ASGR1: variants seen among roughly 807,000 people sequenced by gnomAD.
The protein encoded by ASGR1 is asialoglycoprotein receptor 1.
ASGR1 carries 35 observed loss-of-function variants against 33.1 expected under a neutral mutation model. That is an observed-to-expected ratio of 1.06 (90% CI 0.81 to 1.40). ASGR1 has a LOEUF of 1.40. Ranked by LOEUF, ASGR1 falls within the 40% of genes most tolerant of loss-of-function variation. ASGR1 has a pLI of 0.00. For synonymous variants in ASGR1, 142 were observed against 152.5 expected (o/e 0.93, Z 0.51); for missense variants, 396 against 373.7 (o/e 1.06, Z -0.49).
chr17:7,178,106 G>T, intron 2 of ASGR1: 1 of 263,080 alleles, frequency 3.8e-6, no homozygotes, highest in Non-Finnish European at 7.6e-6. Context: ...TCACCAAACT[G>T]ATCACTGACA....
chr17:7,174,448 A>G lies in ASGR1; in HGVS notation c.368T>C (p.Leu123Pro). ...CACGAACTGCTTCACGTGGAGCAGC[A>G]GGCTGGAGTGATCTGGGGAGACCGG... ...QKDLSEDHSS[L>P]LLHVKQFVSD... is the part of the protein sequence containing the mutation. The change falls in exon 6 of 9, where the codon CTG becomes CCG. Residue 123 changes from leucine (L) to proline (P), a missense_variant. Physicochemically the swap from Leu to Pro is moderately conservative, Grantham distance 98 (BLOSUM62 -3). Coordinates refer to ENST00000269299, the MANE Select transcript of ASGR1 (RefSeq NM_001671.5). The G allele has an allele frequency of 1.2e-6, 2 of 1,613,124 alleles. No homozygotes were observed. The highest frequency in any genetic ancestry group is 2.2e-5 in the South Asian group (2 of 90,952).
chr17:7,177,522 G>A (rs1476526204), intron 2 of ASGR1, 196 bp from the exon 3 acceptor site: 2 of 571,300 alleles, frequency 3.5e-6, no homozygotes, highest in Admixed American at 6.3e-5. Context: ...CTGGGGAAGG[G>A]GGCTAAGCGC....
chr17:7,177,196 C>A lies in ASGR1; in HGVS notation c.187+14G>T, dbSNP rs1465176568. 1 of 1,613,412 alleles carries A rather than the reference C, an allele frequency of 6.2e-7. No homozygotes were observed. Among genetic ancestry groups the A allele is most frequent in the East Asian group, 2.2e-5 (1 of 44,846 alleles). ...CCCCCAATGTTGCCCCCTTCCCACC[C>A]CTGGGGCACCCACTTTGGGATCCGA... On this transcript the variant is annotated intron_variant, in intron 3 of 8. Coordinates refer to ENST00000269299, the MANE Select transcript of ASGR1 (RefSeq NM_001671.5).
Position 7,177,218 on chromosome 17 carries a change from C to A in ASGR1, c.179G>T (p.Gly60Val). The A allele has an allele frequency of 1.2e-6, 2 of 1,613,580 alleles. No homozygotes were observed. Among genetic ancestry groups the A allele is most frequent in the Non-Finnish European group, 1.7e-6 (2 of 1,179,936 alleles). The change falls in exon 3 of 9, where the codon GGA becomes GTA. Residue 60 changes from glycine to valine, a missense_variant. Transcript: ENST00000269299. Reference sequence around the variant, plus strand: ...ACCCCTGGGGCACCCACTTTGGGATCCGATCACACAGACAACCACAAGCAG... The same window carrying A: ...ACCCCTGGGGCACCCACTTTGGGATACGATCACACAGACAACCACAAGCAG... The part of the protein sequence containing the change: ...LLLLVVVCVI[G>V]SQNSQLQEEL...
At position 7,176,846 on chromosome 17, in the gene ASGR1, C is replaced by G; in HGVS notation, c.339G>C (p.Gln113His). 1 of 1,612,834 alleles carries G rather than the reference C, an allele frequency of 6.2e-7. No homozygotes were observed. Among genetic ancestry groups the G allele is most frequent in the Non-Finnish European group, 8.5e-7 (1 of 1,179,954 alleles). ...CTCTCTGACCTTCACTCAGGTCCTT[C>G]TGCTGTTTCTCCAGCTGGGACTCTA... Reference protein sequence around the residue: ...KSLESQLEKQQKDLSEDHSSL... With the variant: ...KSLESQLEKQHKDLSEDHSSL... Residue 113 changes from glutamine to histidine, a missense_variant, in exon 5 of 9, where the codon CAG (glutamine) becomes CAC (histidine). Physicochemically the swap from Gln to His is conservative, Grantham distance 24. Coordinates refer to ENST00000269299, the MANE Select transcript of ASGR1 (RefSeq NM_001671.5).
intron 2 of ASGR1, 144 bp downstream of exon 2, chr17:7,178,350 A>G (rs2069240106): frequency 1.2e-6 from 1 of 854,650 alleles, no homozygotes; most frequent in African/African-American, 1.7e-5. Context: ...TGAGAGAGGC[A>G]GTTCCGACAC....
intron 1 of ASGR1, 144 bp from the exon 2 acceptor site, chr17:7,178,732 TCTTTTC>T (rs1567794950): frequency 2.2e-4 from 39 of 177,602 alleles, no homozygotes; most frequent in Non-Finnish European, 3.6e-4. Context: ...TTCTTTTTTT[TCTTTTC>T]TTTTTTTTTT....
intron 5 of ASGR1, among the ~76,000 whole-genome samples, chr17:7,175,110 A>C (rs190348236): frequency 7.3e-6 from 1 of 136,064 alleles, no homozygotes; most frequent in Non-Finnish European, 1.6e-5. Context: ...AAAACACACA[A>C]ACACACAACA....
chr17:7,177,557 C>T (rs2069232878), intron 2 of ASGR1: 1 of 511,012 alleles, frequency 2.0e-6, no homozygotes, highest in Admixed American at 3.5e-5. Context: ...CCACCGAGGC[C>T]CTGAGCTTTT....
At position 7,174,050 on chromosome 17, in the gene ASGR1, G is replaced by A. The variant is rs1387278901; in HGVS notation, c.612C>T (p.His204=). 1.2e-6 allele frequency: 2 copies of A among 1,614,118 alleles called. No individual in the cohort carries two copies. Among genetic ancestry groups the A allele is most frequent in the Non-Finnish European group, 1.7e-6 (2 of 1,180,024 alleles). ...CCATCCAGGTGTTCACAGGGCCTAT[G>A]TGGTGCTGGACAAATTTCTGAGGAG... ...SWEEQKFVQH[H]IGPVNTWMGL... The change falls in exon 8 of 9, where the codon CAC becomes CAT. Residue 204 remains histidine (H), a synonymous_variant. Coordinates refer to ENST00000269299, the MANE Select transcript of ASGR1 (RefSeq NM_001671.5).
chr17:7,178,523 T>C lies in ASGR1; in HGVS notation c.41A>G (p.Glu14Gly). The change falls in exon 2 of 9, where the codon GAG (glutamate) becomes GGG (glycine). Residue 14 changes from glutamate (E) to glycine (G), a missense_variant. Coordinates refer to ENST00000269299, the MANE Select transcript of ASGR1 (RefSeq NM_001671.5). ...TCTGAGCTGATGGTGGTCACTCTCC[T>C]CATTGTCCAGATGCTGAAGGTCTTG... is the stretch of plus-strand genomic sequence containing the variant. ...EYQDLQHLDN[E>G]ESDHHQLRKG... The C allele has an allele frequency of 6.2e-7, 1 of 1,614,032 alleles. No homozygotes were observed. The highest frequency in any genetic ancestry group is 8.5e-7 in the Non-Finnish European group (1 of 1,179,996).
rs2069167524 is a variant in ASGR1 at position 7,174,241 on chromosome 17, C to A, written c.491G>T (p.Ser164Ile). 6.2e-7 allele frequency: 1 copy of A among 1,614,162 alleles called. No homozygotes were observed. Among genetic ancestry groups the A allele is most frequent in the South Asian group, 1.1e-5 (1 of 91,088 alleles). The change falls in exon 7 of 9, where the codon AGC (serine) becomes ATC (isoleucine). Residue 164 changes from serine to isoleucine, a missense_variant. Coordinates refer to ENST00000269299, the MANE Select transcript of ASGR1 (RefSeq NM_001671.5). ...CCCGGAGCGAGAGAACCAGTAGCAG[C>A]TGCGCTCGTGCTCCACCCAGTTGAC... ...CPVNWVEHER[S>I]CYWFSRSGKA... is the part of the protein sequence containing the mutation.
rs377207552 is a variant in ASGR1, at chr17:7,178,580, G to A, written c.-17C>T. The A allele has an allele frequency of 1.2e-6, 2 of 1,612,594 alleles. No homozygotes were observed. Among genetic ancestry groups the A allele is most frequent in the African/African-American group, 2.7e-5 (2 of 74,866 alleles). ...CTTGGTCATGATAGGGCTGGCGCTG[G>A]ACCTGGGACTGAGTCAAGACTGAGG... On this transcript the variant is annotated 5_prime_UTR_variant, in exon 2 of 9. Transcript: ENST00000269299.
rs753486844 is a variant in ASGR1 at position 7,173,855 on chromosome 17, G to C, written c.702-22C>G. ...GTTCCTGGGGACAGAGCCAGCTGTG[G>C]GCCCCAGGAGGTCGGATCCGCAGGC... On this transcript the variant is annotated intron_variant, in intron 8 of 8. Coordinates refer to ENST00000269299, the MANE Select transcript of ASGR1 (RefSeq NM_001671.5). This position sits in a 1 kb window ranked among gnomAD's most constrained non-coding sequence, Gnocchi z 4.7. 6.8e-6 allele frequency: 11 copies of C among 1,607,382 alleles called. No homozygotes were observed. The East Asian group carries it at 1.3e-4, about 20-fold the overall frequency.
chr17:7,176,719 C>G, intron 5 of ASGR1, 111 bp downstream of exon 5: 6 of 1,473,678 alleles, frequency 4.1e-6, no homozygotes, highest in Non-Finnish European at 4.6e-6. Context: ...CACACACACA[C>G]TCCCTCTCAT....
intron 5 of ASGR1, among the ~76,000 whole-genome samples, chr17:7,176,439 TCTCACA>T (rs1744285874): frequency 1.6e-5 from 2 of 126,810 alleles, no homozygotes; most frequent in African/African-American, 6.9e-5. Context: ...ATTCTCACAC[TCTCACA>T]CACACTCCCT....
chr17:7,174,537 T>G (rs115079938), intron 5 of ASGR1, 77 bp from the exon 6 acceptor site: 1 of 1,457,578 alleles, frequency 6.9e-7, no homozygotes, highest in South Asian at 1.3e-5. Flanking sequence ...AGGTCAGCCC[T>G]ACATCCTCCT....
At position 7,175,781 on chromosome 17, in the gene ASGR1, T is replaced by TCA. The variant is rs202051463; in HGVS notation, c.355+1048_355+1049insTG. ...CACTCCTTCTCATTTTCACACAGGCTCTCACACACACACACACTCCCTCTC... is the reference window on the plus strand; with the variant it reads ...CACTCCTTCTCATTTTCACACAGGCTCACTCACACACACACACACTCCCTCTC... On this transcript the variant is annotated intron_variant, in intron 5 of 8. Transcript: ENST00000269299. Among the ~76,000 whole-genome samples, 65 of 135,358 alleles carry TCA rather than the reference T, an allele frequency of 4.8e-4. 1 individual carries two copies. The highest frequency in any genetic ancestry group is 4.8e-3 in the Middle Eastern group (1 of 210). The allele number at this position is 135,358 out of a possible 152,430, so 88.8% of individuals were successfully genotyped here.
At chr17:7,176,504 C>CA in intron 5 of ASGR1, 1 of 473,558 alleles carries the variant, frequency 2.1e-6, no homozygotes, top group Non-Finnish European at 3.8e-6. Flanking sequence ...TTCTCACACT[C>CA]AGACACACAC....
Sources: allele counts gnomAD v4.1 joint callset (sites outside exome capture counted in the v4.1 genomes callset), GRCh38; gene constraint gnomAD v4.1.1; non-coding constraint Gnocchi (gnomAD v3.1); transcripts MANE v1.5; gene names NCBI Gene and HGNC (gene_info 2026-07-23, HGNC 2026-07-21).